TATDN1: variants seen among roughly 807,000 people sequenced by gnomAD.
TATDN1 encodes the protein deoxyribonuclease TATDN1.
TATDN1 carries 40 observed loss-of-function variants against 46.4 expected under a neutral mutation model. The ratio of observed to expected loss-of-function variants is 0.86; its 90% CI spans 0.67 to 1.12. TATDN1 has a LOEUF of 1.12. TATDN1 is among the 50% of genes most tolerant of loss of function. TATDN1 has a pLI of 0.00. For missense variants in TATDN1, 326 were observed against 348.4 expected (o/e 0.94, Z 0.51); for synonymous variants, 95 against 105.6 (o/e 0.90, Z 0.62).
At chr8:124,536,655 A>C (rs1310728584) in intron 1 of TATDN1, among the ~76,000 whole-genome samples, 1 of 152,194 alleles carries the variant, frequency 6.6e-6, no homozygotes, top group African/African-American at 2.4e-5. Flanking sequence ...GCTGTCTTAA[A>C]CCAAAATCTA....
intron 9 of TATDN1, among the ~76,000 whole-genome samples, chr8:124,501,601 AAT>A (rs1433412936): frequency 6.6e-6 from 1 of 152,232 alleles, no homozygotes; most frequent in African/African-American, 2.4e-5. Flanking sequence ...GCAGTATAAA[AAT>A]AGAGTATTCA....
intron 1 of TATDN1, among the ~76,000 whole-genome samples, chr8:124,524,717 C>A (rs909489491): frequency 6.6e-6 from 1 of 152,122 alleles, no homozygotes; most frequent in Non-Finnish European, 1.5e-5. Flanking sequence ...GGGGGAGGGA[C>A]TGGGCTCAAT....
intron 9 of TATDN1, 47 bp downstream of exon 9, chr8:124,504,224 A>C (rs367782230): frequency 1.8e-5 from 25 of 1,381,840 alleles, no homozygotes; most frequent in Non-Finnish European, 2.4e-5. Context: ...CAATTTAAGA[A>C]ATCTGCTTAA....
chr8:124,519,257 A>G (rs1819825286), intron 3 of TATDN1, among the ~76,000 whole-genome samples: 1 of 152,266 alleles, frequency 6.6e-6, no homozygotes, highest in South Asian at 2.1e-4. Context: ...CTCCAGGTGT[A>G]GTCTGGTAAC....
intron 1 of TATDN1, among the ~76,000 whole-genome samples, chr8:124,534,381 T>C (rs1821254397): frequency 6.6e-6 from 1 of 152,184 alleles, no homozygotes; most frequent in Non-Finnish European, 1.5e-5. Context: ...CCTATTTACA[T>C]ACTGTCTATC....
intron 1 of TATDN1, among the ~76,000 whole-genome samples, chr8:124,531,173 A>T (rs987306679): frequency 6.6e-6 from 1 of 152,130 alleles, no homozygotes; most frequent in African/African-American, 2.4e-5. Flanking sequence ...AGCTTTAACA[A>T]GCCCCTGGCA....
chr8:124,530,893 C>T (rs769088111), intron 1 of TATDN1, among the ~76,000 whole-genome samples: 13 of 152,172 alleles, frequency 8.5e-5, no homozygotes, highest in Non-Finnish European at 1.8e-4. Context: ...CTCTGGTTAA[C>T]TGAAGTCTCG....
At chr8:124,500,958 CT>C (rs1349701940) in intron 9 of TATDN1, among the ~76,000 whole-genome samples, 2 of 152,100 alleles carry the variant, frequency 1.3e-5, no homozygotes, top group Non-Finnish European at 2.9e-5. Flanking sequence ...GATACAGTCC[CT>C]AGAAAGTGGA....
intron 8 of TATDN1, 63 bp downstream of exon 8, chr8:124,508,411 G>C: frequency 7.1e-7 from 1 of 1,402,722 alleles, no homozygotes; most frequent in Non-Finnish European, 9.9e-7. Flanking sequence ...GTACTTGGGA[G>C]TATTTTGGAT....
chr8:124,537,690 C>G (rs181203777), intron 1 of TATDN1, among the ~76,000 whole-genome samples: 1 of 152,090 alleles, frequency 6.6e-6, no homozygotes, highest in African/African-American at 2.4e-5. Flanking sequence ...CTTCATGGCT[C>G]TTTATTCCAT....
chr8:124,498,941 C>T (rs1161947665), intron 9 of TATDN1, among the ~76,000 whole-genome samples: 2 of 150,216 alleles, frequency 1.3e-5, no homozygotes, highest in South Asian at 2.1e-4. Context: ...TGAGCCACTG[C>T]GCCTGGCCTC....
intron 1 of TATDN1, among the ~76,000 whole-genome samples, chr8:124,534,994 G>A (rs1821307310): frequency 6.6e-6 from 1 of 152,224 alleles, no homozygotes. Context: ...TTTTATAGAG[G>A]CTTCACCATG....
At chr8:124,532,153 AGCTTTAGCT>A (rs1284190631) in intron 1 of TATDN1, among the ~76,000 whole-genome samples, 1 of 152,166 alleles carries the variant, frequency 6.6e-6, no homozygotes, top group Non-Finnish European at 1.5e-5. Context: ...GCTGGGTGGC[AGCTTTAGCT>A]GCTGCATCCA....
chr8:124,516,630 A>G (rs1037591200), intron 4 of TATDN1, among the ~76,000 whole-genome samples: 2 of 151,662 alleles, frequency 1.3e-5, no homozygotes, highest in Admixed American at 6.6e-5. Context: ...TTTTATATTC[A>G]CCATTCATGT....
chr8:124,508,756 C>A, intron 6 of TATDN1, 68 bp from the exon 7 acceptor site: 1 of 979,066 alleles, frequency 1.0e-6, no homozygotes, highest in Non-Finnish European at 1.5e-6. Context: ...GTAATGATGT[C>A]AAAAGAGCTT....
intron 9 of TATDN1, among the ~76,000 whole-genome samples, chr8:124,502,340 CAA>C (rs1278936566): frequency 1.1e-4 from 7 of 64,682 alleles, no homozygotes; most frequent in Admixed American, 3.6e-4. Context: ...GAGTCCCTCT[CAA>C]AAAAAAAAAA....
chr8:124,506,334 CAA>C (rs56023168), intron 8 of TATDN1, among the ~76,000 whole-genome samples: 2 of 52,522 alleles, frequency 3.8e-5, no homozygotes, highest in Non-Finnish European at 7.3e-5. Flanking sequence ...GGCTCTGTCT[CAA>C]AAAAAAAAAA....
chr8:124,538,894 C>T (rs1322760890), intron 1 of TATDN1, 131 bp downstream of exon 1: 4 of 1,019,526 alleles, frequency 3.9e-6, no homozygotes, highest in African/African-American at 1.6e-5. Flanking sequence ...CCTCCCCGCG[C>T]CCTCCTCCAC....
In TATDN1 at chr8:124,515,321, C is replaced by T. The variant is rs142126123; in HGVS notation, c.389+425G>A. Among the ~76,000 whole-genome samples the T allele has an allele frequency of 7.5e-3, 1,137 of 152,174 alleles. 16 individuals are homozygous for T. Among genetic ancestry groups the T allele is most frequent in the African/African-American group, 0.026 (1,098 of 41,496 alleles). ...ATTTGAACCCAGGAGGTGGAGGTTG[C>T]GGTGAGCTGAGATCACGCCTCTGCA... On this transcript the variant is annotated intron_variant, in intron 6 of 11. Transcript: ENST00000276692.
Sources: gnomAD v4.1 joint callset for allele counts (sites outside exome capture counted in the v4.1 genomes callset) on GRCh38, gnomAD v4.1.1 for gene constraint, MANE v1.5 for transcripts, NCBI Gene and HGNC (gene_info 2026-07-23, HGNC 2026-07-21) for gene names.